The following DVL1 variants were observed in gnomAD, a reference collection of about 807,000 sequenced individuals.
The protein encoded by DVL1 is dishevelled segment polarity protein 1.
In DVL1, 49 loss-of-function variants were observed where a neutral mutation model predicts 65.0. That is an observed-to-expected ratio of 0.75 (90% CI 0.60 to 0.96). DVL1 has a LOEUF of 0.96. DVL1 is among the 40% of genes least tolerant of loss of function. The pLI is 0.00. For missense variants in DVL1, 1,197 were observed against 1,045.4 expected, an observed-to-expected ratio of 1.15 and a Z score of -2.00; for synonymous variants, 608 against 433.9, an observed-to-expected ratio of 1.40 and a Z score of -4.99.
chr1:1,339,767 G>A lies in DVL1; in HGVS notation c.955C>T (p.Arg319Trp), dbSNP rs755962173. 36 of 1,612,602 alleles carry A rather than the reference G, an allele frequency of 2.2e-5. No homozygotes were observed. The highest frequency in any genetic ancestry group is 1.6e-4 in the Middle Eastern group (1 of 6,062). The change falls in exon 9 of 15, where the codon CGG becomes TGG. Residue 319 changes from arginine to tryptophan, a missense_variant. Coordinates refer to ENST00000378888, the MANE Select transcript of DVL1 (RefSeq NM_001330311.2). ...TGGGAAACGATCTCCCGCAGCACCC[G>A]CACGGCATCGTCATTGCTCATGTTC... ...FENMSNDDAV[R>W]VLREIVSQTG...
intron 5 of DVL1, among the ~76,000 whole-genome samples, chr1:1,341,013 C>T (rs778270788): frequency 3.4e-5 from 5 of 147,226 alleles, no homozygotes; most frequent in Non-Finnish European, 7.4e-5. Context: ...TGCACACGCA[C>T]CCCTGCACAA....
In DVL1 at chr1:1,349,215, C is replaced by G. The variant is rs1643977640; in HGVS notation, c.-150G>C. On this transcript the variant is annotated 5_prime_UTR_variant, in exon 1 of 15. Coordinates refer to ENST00000378888, the MANE Select transcript of DVL1 (RefSeq NM_001330311.2). This position sits in a 1 kb window ranked among gnomAD's most constrained non-coding sequence, Gnocchi z 4.1. Reference sequence around the variant, plus strand: ...GCCCCCGGGCGCCCCCGCCCGACCGCCCAGGCCCCGGCCGCCGCCCCCGGC... The same window carrying G: ...GCCCCCGGGCGCCCCCGCCCGACCGGCCAGGCCCCGGCCGCCGCCCCCGGC... 2 of 328,952 alleles carry G rather than the reference C, an allele frequency of 6.1e-6. No homozygotes were observed. The highest frequency in any genetic ancestry group is 8.6e-6 in the Non-Finnish European group (2 of 233,066). 20.4% of individuals were successfully genotyped at this position (328,952 alleles called of 1,614,324 possible). A position where few individuals can be genotyped will look rare whatever the true frequency, so the allele number is the denominator to read the frequency against.
Position 1,335,553 on chromosome 1 carries a change from C to G in DVL1, c.*589G>C, listed in dbSNP as rs978385581. ...CCTGCGGGCCATGGTCCCTCCCTGC[C>G]CTGGCTGGGACACGGTGGGCAGGAT... On this transcript the variant is annotated 3_prime_UTR_variant, in exon 15 of 15. Coordinates refer to ENST00000378888, the MANE Select transcript of DVL1 (RefSeq NM_001330311.2). 2 of 155,474 alleles carry G rather than the reference C, an allele frequency of 1.3e-5. No individual in the cohort carries two copies. Among genetic ancestry groups the G allele is most frequent in the Non-Finnish European group, 2.9e-5 (2 of 70,040 alleles). 9.6% of individuals were successfully genotyped at this position (155,474 alleles called of 1,614,324 possible).
Position 1,335,687 on chromosome 1 carries a change from C to G in DVL1, c.*455G>C, listed in dbSNP as rs1289090442. 2 of 169,698 alleles carry G rather than the reference C, an allele frequency of 1.2e-5. No homozygotes were observed. Among genetic ancestry groups the G allele is most frequent in the Admixed American group, 1.1e-4 (2 of 17,576 alleles). 10.5% of individuals were successfully genotyped at this position (169,698 alleles called of 1,614,324 possible). On this transcript the variant is annotated 3_prime_UTR_variant, in exon 15 of 15. Coordinates refer to ENST00000378888, the MANE Select transcript of DVL1 (RefSeq NM_001330311.2). ...CTCCAAGGGGCAGCAGCAGGTGGGA[C>G]AGATGACAGGGTCGCCTCCTCCCCC...
Position 1,336,028 on chromosome 1 carries a change from G to GC in DVL1, c.*113dup, listed in dbSNP as rs910734523. ...AGGGCAGATGGTGGTGGTCCAGCCT[G>GC]CCCCCCACCCTGCCTCCCGTCCTGG... On this transcript the variant is annotated 3_prime_UTR_variant, in exon 15 of 15. Coordinates refer to ENST00000378888, the MANE Select transcript of DVL1 (RefSeq NM_001330311.2). The GC allele has an allele frequency of 3.6e-6, 5 of 1,388,066 alleles. No homozygotes were observed. Among genetic ancestry groups the GC allele is most frequent in the Non-Finnish European group, 4.8e-6 (5 of 1,033,296 alleles). The allele number at this position is 1,388,066 out of a possible 1,614,324, so 86.0% of individuals were successfully genotyped here. A position where few individuals can be genotyped will look rare whatever the true frequency, so the allele number is the denominator to read the frequency against.
rs1302694571 is a variant in DVL1 at position 1,335,571 on chromosome 1, G to C, written c.*571C>G. 1 of 154,974 alleles carries C rather than the reference G, an allele frequency of 6.5e-6. No homozygotes were observed. The highest frequency in any genetic ancestry group is 2.4e-5 in the African/African-American group (1 of 41,456). 9.6% of individuals were successfully genotyped at this position (154,974 alleles called of 1,614,324 possible). On this transcript the variant is annotated 3_prime_UTR_variant, in exon 15 of 15. Coordinates refer to ENST00000378888, the MANE Select transcript of DVL1 (RefSeq NM_001330311.2). ...TCCCTGCCCTGGCTGGGACACGGTG[G>C]GCAGGATGTCCAGCCCTCTCTCGTC... is the stretch of plus-strand genomic sequence containing the variant.
intron 14 of DVL1, 123 bp downstream of exon 14, chr1:1,337,854 G>C (rs755252173): frequency 6.4e-6 from 5 of 785,086 alleles, no homozygotes; most frequent in South Asian, 5.8e-5. Flanking sequence ...GCAGCAGCGG[G>C]GTGGGGTGGA....
At chr1:1,345,503 G>A (rs544488398) in intron 1 of DVL1, among the ~76,000 whole-genome samples, 3 of 152,288 alleles carry the variant, frequency 2.0e-5, no homozygotes, top group South Asian at 2.1e-4. Context: ...GGGTCCCCGC[G>A]CCTCTGTAGC....
At chr1:1,346,578 G>A (rs1643916903) in intron 1 of DVL1, among the ~76,000 whole-genome samples, 3 of 152,240 alleles carry the variant, frequency 2.0e-5, no homozygotes, top group South Asian at 4.1e-4. Flanking sequence ...AAAAGTGGAG[G>A]ACAGGCGGGG....
chr1:1,336,239 C>G lies in DVL1; in HGVS notation c.1991G>C (p.Arg664Pro). Residue 664 changes from arginine to proline, a missense_variant, in exon 15 of 15, where the codon CGG (arginine) becomes CCG (proline). Physicochemically the swap from Arg to Pro is moderately radical, Grantham distance 103. Transcript: ENST00000378888. Reference sequence around the variant, plus strand: ...TTCCGGGGGGACGGCAGCCAGCTCCCGGACAGGGGGTCCCCCGGGTGGCCC... The same window carrying G: ...TTCCGGGGGGACGGCAGCCAGCTCCGGGACAGGGGGTCCCCCGGGTGGCCC... Reference protein sequence around the residue: ...VGGPPGGPPVRELAAVPPELT... With the variant: ...VGGPPGGPPVPELAAVPPELT... 1.3e-6 allele frequency: 2 copies of G among 1,558,594 alleles called. No individual in the cohort carries two copies. Among genetic ancestry groups the G allele is most frequent in the Non-Finnish European group, 1.7e-6 (2 of 1,157,666 alleles).
At position 1,338,565 on chromosome 1, in the gene DVL1, G is replaced by T. The variant is rs777325356; in HGVS notation, c.1296C>A (p.Arg432=). The change falls in exon 12 of 15, where the codon CGC becomes CGA. Residue 432 remains arginine, a synonymous_variant. Coordinates refer to ENST00000378888, the MANE Select transcript of DVL1 (RefSeq NM_001330311.2). ...TGGTGATCTTGAGCCACATGCGGTC[G>T]CGGATCTCCAGTCCCGAGTCTGGCA... is the stretch of plus-strand genomic sequence containing the variant. The part of the protein sequence containing the change: ...MQLPDSGLEI[R]DRMWLKITIA... The T allele has an allele frequency of 1.2e-6, 2 of 1,612,498 alleles. No homozygotes were observed. The highest frequency in any genetic ancestry group is 1.7e-6 in the Non-Finnish European group (2 of 1,179,856).
intron 2 of DVL1, 69 bp from the exon 3 acceptor site, chr1:1,342,553 G>GA: frequency 6.3e-7 from 1 of 1,580,214 alleles, no homozygotes; most frequent in Non-Finnish European, 8.6e-7. Flanking sequence ...GGCACCCAGG[G>GA]AACAGGGGGC....
Position 1,339,723 on chromosome 1 carries a change from C to T in DVL1, c.986+13G>A. The T allele has an allele frequency of 1.2e-6, 2 of 1,613,086 alleles. No homozygotes were observed. Among genetic ancestry groups the T allele is most frequent in the Non-Finnish European group, 1.7e-6 (2 of 1,179,886 alleles). On this transcript the variant is annotated intron_variant, in intron 9 of 14. Coordinates refer to ENST00000378888, the MANE Select transcript of DVL1 (RefSeq NM_001330311.2). ...TGCCTGGCCCCTCCCGCTCCAGCGC[C>T]CCCAGCCCTCACCCCGTCTGGGAAA...
chr1:1,348,077 GC>G (rs1180254739), intron 1 of DVL1, among the ~76,000 whole-genome samples: 1 of 152,146 alleles, frequency 6.6e-6, no homozygotes, highest in Non-Finnish European at 1.5e-5. Flanking sequence ...GCCTGAGCCC[GC>G]CCCCAGCACT....
At chr1:1,347,665 G>A (rs1259445467) in intron 1 of DVL1, among the ~76,000 whole-genome samples, 1 of 152,148 alleles carries the variant, frequency 6.6e-6, no homozygotes, top group Non-Finnish European at 1.5e-5. Context: ...CAAGGCCAAA[G>A]CAGCCCAGGC....
intron 5 of DVL1, 42 bp from the exon 6 acceptor site, chr1:1,340,545 G>A (rs750771584): frequency 4.5e-6 from 7 of 1,559,344 alleles, no homozygotes; most frequent in South Asian, 2.3e-5. Context: ...TGGAGACATG[G>A]GTAGGGGGGT....
rs1643541390 is a variant in DVL1, at chr1:1,335,536, C to G, written c.*606G>C. The G allele has an allele frequency of 6.5e-6, 1 of 154,940 alleles. No individual in the cohort carries two copies. The highest frequency in any genetic ancestry group is 6.3e-5 in the Admixed American group (1 of 15,996). 9.6% of individuals were successfully genotyped at this position (154,940 alleles called of 1,614,324 possible). A position where few individuals can be genotyped will look rare whatever the true frequency, so the allele number is the denominator to read the frequency against. On this transcript the variant is annotated 3_prime_UTR_variant, in exon 15 of 15. Coordinates refer to ENST00000378888, the MANE Select transcript of DVL1 (RefSeq NM_001330311.2). ...CATCGGGGCCCCTTGACCCTGCGGG[C>G]CATGGTCCCTCCCTGCCCTGGCTGG...
chr1:1,337,779 G>A (rs1394282785), intron 14 of DVL1, 198 bp downstream of exon 14: 4 of 705,714 alleles, frequency 5.7e-6, no homozygotes, highest in East Asian at 2.7e-5. Flanking sequence ...TCCAGAAGGA[G>A]CCCACCCAGG....
chr1:1,341,889 T>G, intron 4 of DVL1, 84 bp from the exon 5 acceptor site: 1 of 1,483,256 alleles, frequency 6.7e-7, no homozygotes. Context: ...GCTGCATGCC[T>G]GTGGGTCTGG....
Sources: allele counts gnomAD v4.1 joint callset (sites outside exome capture counted in the v4.1 genomes callset), GRCh38; gene constraint gnomAD v4.1.1; non-coding constraint Gnocchi (gnomAD v3.1); transcripts MANE v1.5; gene names NCBI Gene and HGNC (gene_info 2026-07-23, HGNC 2026-07-21).